The following MLIP variants were observed in gnomAD, a reference collection of about 807,000 sequenced individuals.
The protein encoded by MLIP is muscular LMNA-interacting protein.
In MLIP, 79 loss-of-function variants were observed where a neutral mutation model predicts 84.8. The observed-to-expected ratio is 0.93, with a 90% confidence interval of 0.78 to 1.12. The LOEUF is 1.12. Among genes scored for constraint, MLIP ranks in the 50% most tolerant of loss-of-function variants. The probability of loss-of-function intolerance (pLI) is 0.00; values close to 1 mark genes in which losing one functional copy is unlikely to be tolerated. For missense variants in MLIP, 1,257 were observed against 1,160.6 expected (o/e 1.08, Z -1.21); for synonymous variants, 504 against 463.0 (o/e 1.09, Z -1.14).
intron 12 of MLIP, among the ~76,000 whole-genome samples, chr6:54,242,714 G>A (rs528276408): frequency 6.6e-6 from 1 of 152,182 alleles, no homozygotes; most frequent in Admixed American, 6.5e-5. Flanking sequence ...CTAAAGATGT[G>A]AAAAATCTTT....
At chr6:54,052,101 T>C (rs1765407326) in intron 1 of MLIP, among the ~76,000 whole-genome samples, 1 of 152,132 alleles carries the variant, frequency 6.6e-6, no homozygotes, top group South Asian at 2.1e-4. Context: ...TGGATTATGA[T>C]AGAAAAGATA....
At chr6:54,122,535 TAGAA>T (rs1220067173) in intron 2 of MLIP, among the ~76,000 whole-genome samples, 1 of 152,214 alleles carries the variant, frequency 6.6e-6, no homozygotes, top group East Asian at 1.9e-4. Context: ...TTGACACAAT[TAGAA>T]AGGAGTAAAA....
intron 13 of MLIP, 66 bp downstream of exon 13, chr6:54,257,427 C>A: frequency 8.0e-7 from 1 of 1,246,828 alleles, no homozygotes; most frequent in Non-Finnish European, 1.1e-6. Flanking sequence ...ATAAACCAAT[C>A]TTATTTTTTT....
intron 12 of MLIP, among the ~76,000 whole-genome samples, chr6:54,233,736 G>T (rs1255482101): frequency 1.3e-5 from 2 of 151,158 alleles, no homozygotes; most frequent in East Asian, 3.9e-4. Flanking sequence ...TGGATCAAAT[G>T]GTATTTCTGG....
At chr6:54,166,636 C>T (rs536198896) in intron 8 of MLIP, among the ~76,000 whole-genome samples, 2 of 152,076 alleles carry the variant, frequency 1.3e-5, no homozygotes, top group East Asian at 3.9e-4. Context: ...TCTTCCCAAA[C>T]TGTTAATGTT....
At chr6:54,155,419 G>C (rs953969024) in intron 5 of MLIP, among the ~76,000 whole-genome samples, 1 of 151,958 alleles carries the variant, frequency 6.6e-6, no homozygotes, top group African/African-American at 2.4e-5. Flanking sequence ...TAATTTTGGG[G>C]GATTGATTTG....
intron 8 of MLIP, among the ~76,000 whole-genome samples, chr6:54,163,319 C>G (rs1456452370): frequency 6.6e-6 from 1 of 151,666 alleles, no homozygotes; most frequent in East Asian, 1.9e-4. Context: ...TTTTTACATT[C>G]AATTAGATTC....
At chr6:54,199,987 A>G (rs1778558736) in intron 10 of MLIP, among the ~76,000 whole-genome samples, 1 of 152,150 alleles carries the variant, frequency 6.6e-6, no homozygotes, top group Non-Finnish European at 1.5e-5. Flanking sequence ...AAATGGAGCA[A>G]AAATCATTGT....
At chr6:54,149,614 A>T (rs1561985338) in intron 5 of MLIP, among the ~76,000 whole-genome samples, 1 of 152,102 alleles carries the variant, frequency 6.6e-6, no homozygotes, top group Admixed American at 6.6e-5. Flanking sequence ...TGAGTATTCA[A>T]CTTAGCCTCA....
chr6:54,036,846 G>C (rs1764473767), intron 1 of MLIP, among the ~76,000 whole-genome samples: 1 of 151,990 alleles, frequency 6.6e-6, no homozygotes, highest in African/African-American at 2.4e-5. Context: ...GCTGGCTGTG[G>C]CATGGGAAAT....
chr6:54,074,781 A>G (rs894148407), intron 1 of MLIP, among the ~76,000 whole-genome samples: 55 of 152,270 alleles, frequency 3.6e-4, no homozygotes, highest in Non-Finnish European at 7.5e-4. Context: ...TGCCTTTAAA[A>G]TGGGGGAAAA....
intron 1 of MLIP, among the ~76,000 whole-genome samples, chr6:54,101,636 C>A (rs182919398): frequency 7.9e-5 from 12 of 152,060 alleles, no homozygotes; most frequent in Non-Finnish European, 1.6e-4. Flanking sequence ...TCTTGGAGCT[C>A]ACATATTACC....
chr6:54,113,555 C>T (rs917867874), intron 1 of MLIP, among the ~76,000 whole-genome samples: 1 of 152,088 alleles, frequency 6.6e-6, no homozygotes, highest in Non-Finnish European at 1.5e-5. Flanking sequence ...TGACACATAT[C>T]TTTAAAGGCG....
At chr6:54,090,774 A>G (rs534809934) in intron 1 of MLIP, among the ~76,000 whole-genome samples, 1 of 152,118 alleles carries the variant, frequency 6.6e-6, no homozygotes, top group South Asian at 2.1e-4. Context: ...TTCATAAGCA[A>G]TCCTAAAGTT....
intron 8 of MLIP, among the ~76,000 whole-genome samples, chr6:54,166,024 A>G (rs1775145688): frequency 6.6e-6 from 1 of 151,884 alleles, no homozygotes. Flanking sequence ...TAGACCTCCC[A>G]GCCTCCAGAA....
At chr6:54,059,742 T>A (rs73741421) in intron 1 of MLIP, among the ~76,000 whole-genome samples, 7,564 of 152,232 alleles carry the variant, frequency 0.05, 578 homozygotes, top group African/African-American at 0.17. Context: ...GAATTTTTTT[T>A]AAATAGCGTT....
At chr6:54,027,577 T>C (rs559844350) in intron 1 of MLIP, among the ~76,000 whole-genome samples, 1 of 152,246 alleles carries the variant, frequency 6.6e-6, no homozygotes, top group Admixed American at 6.5e-5. Context: ...TCACTGGTGG[T>C]TGAGGAAAAA....
intron 12 of MLIP, among the ~76,000 whole-genome samples, chr6:54,240,108 C>T (rs958650899): frequency 2.0e-5 from 3 of 152,160 alleles, no homozygotes; most frequent in Non-Finnish European, 4.4e-5. Context: ...CTTGCTTTAA[C>T]TTTCTTACCT....
intron 11 of MLIP, among the ~76,000 whole-genome samples, chr6:54,230,211 C>T (rs978910251): frequency 2.0e-5 from 3 of 152,182 alleles, no homozygotes; most frequent in Non-Finnish European, 4.4e-5. Flanking sequence ...AAACTCAACT[C>T]CGAAACTTAT....
Sources: gnomAD v4.1 joint callset for allele counts (sites outside exome capture counted in the v4.1 genomes callset) on GRCh38, gnomAD v4.1.1 for gene constraint, MANE v1.5 for transcripts, NCBI Gene and HGNC (gene_info 2026-07-23, HGNC 2026-07-21) for gene names.